Variants in CHN2 observed in about 807,000 individuals in gnomAD.
CHN2 encodes the protein chimerin 2, also known as beta-chimaerin.
CHN2 carries 35 observed loss-of-function variants against 56.3 expected under a neutral mutation model. The ratio of observed to expected loss-of-function variants is 0.62; its 90% CI spans 0.47 to 0.82. CHN2 has a LOEUF of 0.82. Among genes scored for constraint, CHN2 ranks in the 40% least tolerant of loss-of-function variants. The probability of loss-of-function intolerance (pLI) is 0.00; values close to 1 mark genes in which losing one functional copy is unlikely to be tolerated. For synonymous variants in CHN2, 210 were observed against 212.8 expected (o/e 0.99, Z 0.12); for missense variants, 491 against 580.5 (o/e 0.85, Z 1.58).
chr7:29,507,305 A>C lies in CHN2; in HGVS notation c.1069A>C (p.Arg357=), dbSNP rs1284573671. The change falls in exon 11 of 13, where the codon AGA becomes CGA. Residue 357 remains arginine, a synonymous_variant. Transcript: ENST00000222792. ...CACTGGAGCCCTTAAACTGTATTTC[A>C]GAGACTTACCCATCCCTGTCATCAC... is the stretch of plus-strand genomic sequence containing the variant. ...IITGALKLYF[R]DLPIPVITYD... is the part of the protein sequence containing the mutation. 21 of 1,613,504 alleles carry C rather than the reference A, an allele frequency of 1.3e-5. No homozygotes were observed. Among genetic ancestry groups the C allele is most frequent in the Non-Finnish European group, 1.8e-5 (21 of 1,179,542 alleles).
chr7:29,421,877 AT>A (rs1431881687), intron 6 of CHN2, among the ~76,000 whole-genome samples: 2 of 152,178 alleles, frequency 1.3e-5, no homozygotes, highest in Non-Finnish European at 2.9e-5. Flanking sequence ...AGAGGGGAAG[AT>A]TTAAGGGACT....
chr7:29,418,924 G>C (rs765017782), intron 6 of CHN2, among the ~76,000 whole-genome samples: 4 of 152,192 alleles, frequency 2.6e-5, no homozygotes, highest in Non-Finnish European at 5.9e-5. Context: ...GCGAAACTCA[G>C]CAACATGAAT....
intron 1 of CHN2, among the ~76,000 whole-genome samples, chr7:29,250,744 T>C (rs1464724845): frequency 1.3e-5 from 2 of 150,338 alleles, no homozygotes; most frequent in East Asian, 2.0e-4. Flanking sequence ...AGAGTCTTCC[T>C]CTGTCACCCA....
At chr7:29,443,559 G>T (rs1783826600) in intron 6 of CHN2, among the ~76,000 whole-genome samples, 1 of 152,154 alleles carries the variant, frequency 6.6e-6, no homozygotes, top group African/African-American at 2.4e-5. Context: ...GTCATCATAG[G>T]TTCTACTCTT....
At chr7:29,284,147 G>A (rs981992187) in intron 1 of CHN2, among the ~76,000 whole-genome samples, 1 of 151,566 alleles carries the variant, frequency 6.6e-6, no homozygotes, top group African/African-American at 2.4e-5. Context: ...CCAGGCTGAA[G>A]TGCAGTGGTG....
intron 6 of CHN2, among the ~76,000 whole-genome samples, chr7:29,410,956 A>T (rs1457973720): frequency 6.6e-6 from 1 of 152,234 alleles, no homozygotes; most frequent in South Asian, 2.1e-4. Context: ...CCCTAGCCAC[A>T]TTAAAAATTC....
Position 29,393,665 on chromosome 7 carries a change from T to C in CHN2, c.145-14T>C, listed in dbSNP as rs1287237513. 1 of 895,932 alleles carries C rather than the reference T, an allele frequency of 1.1e-6. No homozygotes were observed. The highest frequency in any genetic ancestry group is 1.7e-5 in the African/African-American group (1 of 57,582). The allele number at this position is 895,932 out of a possible 1,614,324, so 55.5% of individuals were successfully genotyped here. A position where few individuals can be genotyped will look rare whatever the true frequency, so the allele number is the denominator to read the frequency against. ...TTCAAATGCATTATTAATTTTTTTTTCTTTTTAATATAGGTGGAAAACAGA... is the reference window on the plus strand; with the variant it reads ...TTCAAATGCATTATTAATTTTTTTTCCTTTTTAATATAGGTGGAAAACAGA... On this transcript the variant is annotated splice_polypyrimidine_tract_variant and intron_variant, in intron 3 of 12. Coordinates refer to ENST00000222792, the MANE Select transcript of CHN2 (RefSeq NM_004067.4).
intron 1 of CHN2, among the ~76,000 whole-genome samples, chr7:29,227,243 G>A (rs1474583115): frequency 6.6e-6 from 1 of 152,178 alleles, no homozygotes; most frequent in Non-Finnish European, 1.5e-5. Flanking sequence ...GCTGGGCACT[G>A]CAGCCTACAT....
chr7:29,238,996 T>C (rs1000148734), intron 1 of CHN2, among the ~76,000 whole-genome samples: 1 of 152,084 alleles, frequency 6.6e-6, no homozygotes, highest in Non-Finnish European at 1.5e-5. Flanking sequence ...TCACTCTGAG[T>C]GCATGGGACA....
intron 6 of CHN2, among the ~76,000 whole-genome samples, chr7:29,465,525 C>T (rs1263171204): frequency 6.6e-6 from 1 of 152,144 alleles, no homozygotes; most frequent in Non-Finnish European, 1.5e-5. Context: ...GGAAATGAGG[C>T]ACAAAGAGGT....
intron 2 of CHN2, among the ~76,000 whole-genome samples, chr7:29,171,068 T>C (rs1796540166): frequency 6.6e-6 from 1 of 152,096 alleles, no homozygotes; most frequent in Non-Finnish European, 1.5e-5. Context: ...CTCAGCTGAT[T>C]TATTAAAAAA....
intron 7 of CHN2, 103 bp downstream of exon 7, chr7:29,480,459 G>T: frequency 1.7e-6 from 2 of 1,209,854 alleles, no homozygotes. Flanking sequence ...AAGAGACAAT[G>T]AATTCCTTTG....
intron 2 of CHN2, among the ~76,000 whole-genome samples, chr7:29,186,260 A>T (rs191712025): frequency 1.6e-3 from 249 of 152,256 alleles, no homozygotes; most frequent in Admixed American, 3.3e-3. Context: ...AGGCAAAAAA[A>T]AAATGACAGT....
intron 2 of CHN2, among the ~76,000 whole-genome samples, chr7:29,149,971 C>T (rs1562795218): frequency 6.6e-6 from 1 of 152,248 alleles, no homozygotes; most frequent in African/African-American, 2.4e-5. Context: ...CACTTCACTG[C>T]TGCAATAGAT....
chr7:29,199,196 G>A (rs1783963481), intron 1 of CHN2, among the ~76,000 whole-genome samples: 1 of 152,164 alleles, frequency 6.6e-6, no homozygotes. Flanking sequence ...TTATTGGGGA[G>A]TCAAAACCAG....
At chr7:29,226,264 G>T (rs1215946643) in intron 1 of CHN2, among the ~76,000 whole-genome samples, 1 of 152,104 alleles carries the variant, frequency 6.6e-6, no homozygotes, top group Admixed American at 6.6e-5. Context: ...ATGAACAAAA[G>T]TCCTTAAGTA....
chr7:29,356,357 T>G (rs1798316856), intron 2 of CHN2, among the ~76,000 whole-genome samples: 1 of 152,186 alleles, frequency 6.6e-6, no homozygotes, highest in Non-Finnish European at 1.5e-5. Flanking sequence ...TACGTATTTG[T>G]TACAAAAGCA....
At chr7:29,366,216 C>T (rs1222726906) in intron 2 of CHN2, among the ~76,000 whole-genome samples, 4 of 152,050 alleles carry the variant, frequency 2.6e-5, no homozygotes, top group African/African-American at 7.2e-5. Flanking sequence ...GGGTTCTGAG[C>T]AGAGATGTGG....
chr7:29,509,915 C>T (rs991385413), intron 12 of CHN2, among the ~76,000 whole-genome samples: 69 of 151,792 alleles, frequency 4.5e-4, no homozygotes, highest in African/African-American at 1.6e-3. Flanking sequence ...ATTGCTGATG[C>T]CTGGGGAGGT....
Sources: gnomAD v4.1 joint callset for allele counts (sites outside exome capture counted in the v4.1 genomes callset) on GRCh38, gnomAD v4.1.1 for gene constraint, MANE v1.5 for transcripts, NCBI Gene and HGNC (gene_info 2026-07-23, HGNC 2026-07-21) for gene names.